Variants in CNTN3 observed in about 807,000 individuals in gnomAD.
CNTN3 encodes contactin 3, also known as contactin-3.
Under a neutral mutation model 119.1 loss-of-function variants are expected in CNTN3, and 60 were observed. That is an observed-to-expected ratio of 0.50 (90% confidence interval 0.41 to 0.62). The LOEUF (loss-of-function observed/expected upper bound fraction) is 0.62. Ranked by LOEUF, CNTN3 falls within the 20% of genes least tolerant of loss-of-function variation. CNTN3 has a pLI of 0.00. For synonymous variants in CNTN3, 450 were observed against 438.7 expected, an observed-to-expected ratio of 1.03 and a Z score of -0.32; for missense variants, 1,101 against 1,242.4, an observed-to-expected ratio of 0.89 and a Z score of 1.71.
intron 5 of CNTN3, among the ~76,000 whole-genome samples, chr3:74,410,275 C>T (rs1270969243): frequency 2.0e-5 from 3 of 152,136 alleles, no homozygotes; most frequent in Non-Finnish European, 4.4e-5. Context: ...CTCAGAACCA[C>T]AGCTATGAAA....
chr3:74,469,652 C>T (rs1208794856), intron 4 of CNTN3, among the ~76,000 whole-genome samples: 5 of 152,152 alleles, frequency 3.3e-5, no homozygotes, highest in African/African-American at 1.2e-4. Flanking sequence ...CAATACGATA[C>T]CCCTTCGTAC....
chr3:74,376,801 T>C (rs1199017174), intron 5 of CNTN3, among the ~76,000 whole-genome samples: 3 of 152,084 alleles, frequency 2.0e-5, no homozygotes, highest in African/African-American at 7.2e-5. Flanking sequence ...TAATTTGTTA[T>C]ATTGGCAATA....
At chr3:74,318,407 G>A (rs1264482743) in intron 13 of CNTN3, among the ~76,000 whole-genome samples, 4 of 152,134 alleles carry the variant, frequency 2.6e-5, no homozygotes, top group Non-Finnish European at 5.9e-5. Context: ...GAGGAGGAGA[G>A]GCGCTCTGAT....
chr3:74,406,378 G>A (rs1032635035), intron 5 of CNTN3, among the ~76,000 whole-genome samples: 1 of 151,714 alleles, frequency 6.6e-6, no homozygotes, highest in Non-Finnish European at 1.5e-5. Context: ...AATGTGTAAG[G>A]AAAAAAATAA....
chr3:74,355,575 C>A (rs1052937394), intron 11 of CNTN3, among the ~76,000 whole-genome samples: 3 of 152,028 alleles, frequency 2.0e-5, no homozygotes, highest in Non-Finnish European at 4.4e-5. Flanking sequence ...ATGCCTCAGT[C>A]TCCCCAGTAG....
At chr3:74,463,918 G>A (rs1702415686) in intron 4 of CNTN3, among the ~76,000 whole-genome samples, 1 of 152,162 alleles carries the variant, frequency 6.6e-6, no homozygotes, top group African/African-American at 2.4e-5. Context: ...AAGAGCATAT[G>A]TATCTGTTTT....
At chr3:74,269,410 A>G (rs937943177) in intron 20 of CNTN3, among the ~76,000 whole-genome samples, 5 of 152,128 alleles carry the variant, frequency 3.3e-5, no homozygotes, top group Non-Finnish European at 5.9e-5. Context: ...GGACCAGAGA[A>G]ACTTTCACCC....
intron 4 of CNTN3, among the ~76,000 whole-genome samples, chr3:74,439,577 A>G (rs1283027255): frequency 6.6e-6 from 1 of 152,214 alleles, no homozygotes; most frequent in Non-Finnish European, 1.5e-5. Context: ...GTTATTCCCA[A>G]TATTTACATA....
At chr3:74,497,735 C>T (rs1285699308) in intron 3 of CNTN3, among the ~76,000 whole-genome samples, 1 of 151,848 alleles carries the variant, frequency 6.6e-6, no homozygotes, top group African/African-American at 2.4e-5. Flanking sequence ...CACACATCTC[C>T]TAGTCTCAGT....
intron 4 of CNTN3, among the ~76,000 whole-genome samples, chr3:74,451,461 G>A (rs1702153909): frequency 6.6e-6 from 1 of 151,964 alleles, no homozygotes; most frequent in Non-Finnish European, 1.5e-5. Flanking sequence ...CCATTTTGTG[G>A]GTTGCCTGTT....
intron 11 of CNTN3, among the ~76,000 whole-genome samples, chr3:74,358,854 T>C (rs957040330): frequency 6.8e-6 from 1 of 147,304 alleles, no homozygotes; most frequent in African/African-American, 2.5e-5. Context: ...AGTGAGAATA[T>C]GCGGTGTTTG....
intron 2 of CNTN3, 109 bp from the exon 3 acceptor site, chr3:74,499,894 A>G: frequency 1.9e-6 from 2 of 1,059,426 alleles, no homozygotes; most frequent in Admixed American, 2.8e-5. Context: ...GTACTGCTCC[A>G]TTTGCATACA....
intron 1 of CNTN3, among the ~76,000 whole-genome samples, chr3:74,609,531 C>T (rs1367367186): frequency 6.6e-6 from 1 of 152,166 alleles, no homozygotes; most frequent in Non-Finnish European, 1.5e-5. Context: ...AACAGACCAC[C>T]TAAGCTCTTA....
chr3:74,574,883 T>C (rs567701699), intron 1 of CNTN3, among the ~76,000 whole-genome samples: 10 of 152,070 alleles, frequency 6.6e-5, no homozygotes, highest in African/African-American at 2.4e-4. Context: ...GACTGCTCAC[T>C]GTGAGAGAAA....
intron 13 of CNTN3, among the ~76,000 whole-genome samples, chr3:74,316,797 G>A (rs1346477729): frequency 2.0e-5 from 3 of 151,900 alleles, no homozygotes; most frequent in Non-Finnish European, 4.4e-5. Flanking sequence ...CCGTGGTGGC[G>A]GGTGCCTGTA....
intron 1 of CNTN3, among the ~76,000 whole-genome samples, chr3:74,579,440 G>A (rs915632058): frequency 8.6e-5 from 13 of 151,036 alleles, no homozygotes; most frequent in East Asian, 5.8e-4. Context: ...AGGCATTTAT[G>A]GAATACCAAC....
chr3:74,364,441 A>G (rs775641759), intron 10 of CNTN3, 26 bp downstream of exon 10: 33 of 1,597,564 alleles, frequency 2.1e-5, no homozygotes, highest in Non-Finnish European at 1.0e-5. Context: ...AAAAATTAAG[A>G]GAAGAGCAGA....
At chr3:74,315,091 C>T (rs1161588657) in intron 13 of CNTN3, among the ~76,000 whole-genome samples, 2 of 152,132 alleles carry the variant, frequency 1.3e-5, no homozygotes, top group African/African-American at 4.8e-5. Context: ...GCTTGTTATA[C>T]CCTAATTATA....
At chr3:74,382,901 A>G (rs775140410) in intron 5 of CNTN3, among the ~76,000 whole-genome samples, 1 of 152,172 alleles carries the variant, frequency 6.6e-6, no homozygotes, top group Admixed American at 6.5e-5. Context: ...ACGTTGACCA[A>G]TTGGCCTTTT....
Sources: allele counts gnomAD v4.1 joint callset (sites outside exome capture counted in the v4.1 genomes callset), GRCh38; gene constraint gnomAD v4.1.1; transcripts MANE v1.5; gene names NCBI Gene and HGNC (gene_info 2026-07-23, HGNC 2026-07-21).